P2RY1: variants seen among roughly 807,000 people sequenced by gnomAD.
P2RY1 encodes the protein P2Y purinoceptor 1.
In P2RY1, 14 loss-of-function variants were observed where a neutral mutation model predicts 22.8. That is an observed-to-expected ratio of 0.61 (90% CI 0.41 to 0.96). The LOEUF (loss-of-function observed/expected upper bound fraction) is 0.96. Ranked by LOEUF, P2RY1 falls within the 40% of genes least tolerant of loss-of-function variation. The pLI is 0.00. For synonymous variants in P2RY1, 200 were observed against 195.1 expected (o/e 1.03, Z -0.21); for missense variants, 395 against 470.3 (o/e 0.84, Z 1.48).
In P2RY1 at chr3:152,835,775, A is replaced by T; in HGVS notation, c.-8A>T. 1 of 1,583,544 alleles carries T rather than the reference A, an allele frequency of 6.3e-7. No individual in the cohort carries two copies. Among genetic ancestry groups the T allele is most frequent in the South Asian group, 1.1e-5 (1 of 88,278 alleles). On this transcript the variant is annotated 5_prime_UTR_variant, in exon 1 of 1. Coordinates refer to ENST00000305097, the MANE Select transcript of P2RY1 (RefSeq NM_002563.5). The stretch of plus-strand genomic sequence containing the variant: ...CTCGGAGCCGCCGCCTAAGTCGAGG[A>T]GGAGAGAATGACCGAGGTGCTGTGG...
chr3:152,836,963 C>A lies in P2RY1; in HGVS notation c.*59C>A. 1 of 1,333,500 alleles carries A rather than the reference C, an allele frequency of 7.5e-7. No individual in the cohort carries two copies. The highest frequency in any genetic ancestry group is 1.0e-6 in the Non-Finnish European group (1 of 967,684). The allele number at this position is 1,333,500 out of a possible 1,614,324, so 82.6% of individuals were successfully genotyped here. A position where few individuals can be genotyped will look rare whatever the true frequency, so the allele number is the denominator to read the frequency against. Reference sequence around the variant, plus strand: ...AATATGGTAGGATGCTTAACAGAATCAAGTACTTTTCCCCTCTTTAACTTT... The same window carrying A: ...AATATGGTAGGATGCTTAACAGAATAAAGTACTTTTCCCCTCTTTAACTTT... On this transcript the variant is annotated 3_prime_UTR_variant, in exon 1 of 1. Coordinates refer to ENST00000305097, the MANE Select transcript of P2RY1 (RefSeq NM_002563.5). The surrounding 1 kb of genome is among the most constrained non-coding windows in gnomAD (Gnocchi z 5.6).
rs780823895 is a variant in P2RY1 at position 152,835,940 on chromosome 3, A to G, written c.158A>G (p.Tyr53Cys). 1 of 1,614,162 alleles carries G rather than the reference A, an allele frequency of 6.2e-7. No individual in the cohort carries two copies. The highest frequency in any genetic ancestry group is 2.2e-5 in the East Asian group (1 of 44,866). ...ACCAAGACGGGCTTCCAGTTTTACT[A>G]CCTGCCGGCTGTCTACATCTTGGTA... is the stretch of plus-strand genomic sequence containing the variant. ...ALTKTGFQFYYLPAVYILVFI... is the reference protein window; with the variant it reads ...ALTKTGFQFYCLPAVYILVFI... The change falls in exon 1 of 1, where the codon TAC becomes TGC. Residue 53 changes from tyrosine (Y) to cysteine (C), a missense_variant. By Grantham distance (194) the Tyr-to-Cys change is radical. This residue lies in a region of P2RY1 where 98 missense variants were observed against 87.7 expected (regional missense o/e 1.12). Transcript: ENST00000305097.
rs754201819 is a variant in P2RY1, at chr3:152,835,363, G to A, written c.-420G>A. 2.0e-4 allele frequency: 36 copies of A among 183,120 alleles called. No homozygotes were observed. Among genetic ancestry groups the A allele is most frequent in the Non-Finnish European group, 3.8e-4 (34 of 90,024 alleles). 11.3% of individuals were successfully genotyped at this position (183,120 alleles called of 1,614,324 possible). ...AGTTGATCTTTGAGCCAAGGAGGCT[G>A]GGGAGCAGCCTCCCCAAGCTAGAGC... On this transcript the variant is annotated 5_prime_UTR_variant, in exon 1 of 1. Transcript: ENST00000305097.
In P2RY1 at chr3:152,836,664, A is replaced by G; in HGVS notation, c.882A>G (p.Ala294=). 6.2e-7 allele frequency: 1 copy of G among 1,614,166 alleles called. No homozygotes were observed. The highest frequency in any genetic ancestry group is 8.5e-7 in the Non-Finnish European group (1 of 1,180,034). ...LRARLDFQTP[A]MCAFNDRVYA... ...CCCGGCTTGATTTTCAGACCCCAGC[A>G]ATGTGTGCTTTCAATGACAGGGTTT... Residue 294 remains alanine (A), a synonymous_variant, in exon 1 of 1, where the codon GCA becomes GCG. Transcript: ENST00000305097. This position sits in a 1 kb window ranked among gnomAD's most constrained non-coding sequence, Gnocchi z 5.6.
At position 152,835,999 on chromosome 3, in the gene P2RY1, A is replaced by G; in HGVS notation, c.217A>G (p.Ile73Val). 5 of 1,614,228 alleles carry G rather than the reference A, an allele frequency of 3.1e-6. No individual in the cohort carries two copies. The highest frequency in any genetic ancestry group is 4.2e-6 in the Non-Finnish European group (5 of 1,180,034). Residue 73 changes from isoleucine (I) to valine (V), a missense_variant, in exon 1 of 1, where the codon ATC becomes GTC. Transcript: ENST00000305097. ...IIGFLGNSVA[I>V]WMFVFHMKPW... is the part of the protein sequence containing the mutation. ...CGGCTTCCTGGGCAACAGCGTGGCC[A>G]TCTGGATGTTCGTCTTCCACATGAA...
In P2RY1 at chr3:152,836,286, G is replaced by A; in HGVS notation, c.504G>A (p.Ala168=). The change falls in exon 1 of 1, where the codon GCG becomes GCA. Residue 168 remains alanine (A), a synonymous_variant. Coordinates refer to ENST00000305097, the MANE Select transcript of P2RY1 (RefSeq NM_002563.5). The surrounding 1 kb of genome is among the most constrained non-coding windows in gnomAD (Gnocchi z 5.6). The stretch of plus-strand genomic sequence containing the variant: ...TGGGCCGGCTCAAAAAGAAGAATGC[G>A]ATCTGTATCAGCGTGCTGGTGTGGC... ...KSLGRLKKKN[A]ICISVLVWLI... is the part of the protein sequence containing the mutation. 1.9e-6 allele frequency: 3 copies of A among 1,614,122 alleles called. No individual in the cohort carries two copies. Among genetic ancestry groups the A allele is most frequent in the East Asian group, 4.5e-5 (2 of 44,874 alleles).
At position 152,840,631 on chromosome 3, in the gene P2RY1, T is replaced by G. The variant is rs962264556; in HGVS notation, c.*3727T>G. 4 of 152,168 alleles carry G rather than the reference T, an allele frequency of 2.6e-5. No homozygotes were observed. The highest frequency in any genetic ancestry group is 9.7e-5 in the African/African-American group (4 of 41,438). The allele number at this position is 152,168 out of a possible 1,614,324, so 9.4% of individuals were successfully genotyped here. On this transcript the variant is annotated 3_prime_UTR_variant, in exon 1 of 1. Coordinates refer to ENST00000305097, the MANE Select transcript of P2RY1 (RefSeq NM_002563.5). ...AACGTTACAATGTAAGGAAAATCTT[T>G]AAGGAGATGGGGAGAGAAAAAGGCA...
chr3:152,840,854 T>C lies in P2RY1; in HGVS notation c.*3950T>C, dbSNP rs1388564908. ...ACTTAAATTCCAAGTTTCATAGTGA[T>C]AATTGTATATTATTTGGCTGCTGAA... On this transcript the variant is annotated 3_prime_UTR_variant, in exon 1 of 1. Coordinates refer to ENST00000305097, the MANE Select transcript of P2RY1 (RefSeq NM_002563.5). 6.6e-6 allele frequency: 1 copy of C among 152,216 alleles called. No individual in the cohort carries two copies. Among genetic ancestry groups the C allele is most frequent in the Non-Finnish European group, 1.5e-5 (1 of 68,026 alleles). 9.4% of individuals were successfully genotyped at this position (152,216 alleles called of 1,614,324 possible).
At position 152,835,561 on chromosome 3, in the gene P2RY1, A is replaced by G; in HGVS notation, c.-222A>G. On this transcript the variant is annotated 5_prime_UTR_variant, in exon 1 of 1. It adds an upstream start codon to the 5' untranslated region. Coordinates refer to ENST00000305097, the MANE Select transcript of P2RY1 (RefSeq NM_002563.5). Reference sequence around the variant, plus strand: ...CGGAGAAGTTGCTGGCTTGCCCGATAGCCCAGTTCGGTGGCGGCCCGGGGC... The same window carrying G: ...CGGAGAAGTTGCTGGCTTGCCCGATGGCCCAGTTCGGTGGCGGCCCGGGGC... 1.9e-6 allele frequency: 1 copy of G among 532,514 alleles called. No homozygotes were observed. The highest frequency in any genetic ancestry group is 2.0e-5 in the African/African-American group (1 of 49,436). 33.0% of individuals were successfully genotyped at this position (532,514 alleles called of 1,614,324 possible).
rs775959369 is a variant in P2RY1, at chr3:152,836,509, G to A, written c.727G>A (p.Ala243Thr). ...GGGCTGTTACGGATTAATTGTGAGA[G>A]CTTTGATTTACAAAGATCTGGACAA... ...ILGCYGLIVR[A>T]LIYKDLDNSP... Residue 243 changes from alanine to threonine, a missense_variant, in exon 1 of 1, where the codon GCT (alanine) becomes ACT (threonine). Physicochemically the swap from Ala to Thr is moderately conservative, Grantham distance 58 (BLOSUM62 0). This residue lies in a region of P2RY1 where 291 missense variants were observed against 361.6 expected (regional missense o/e 0.80). Transcript: ENST00000305097. The surrounding 1 kb of genome is among the most constrained non-coding windows in gnomAD (Gnocchi z 5.6). The A allele has an allele frequency of 6.8e-6, 11 of 1,614,194 alleles. 1 individual carries two copies. The South Asian group carries it at 1.2e-4, about 18-fold the overall frequency.
rs752295011 is a variant in P2RY1 at position 152,836,169 on chromosome 3, C to T, written c.387C>T (p.Phe129=). The change falls in exon 1 of 1, where the codon TTC becomes TTT. Residue 129 remains phenylalanine (F), a synonymous_variant. Transcript: ENST00000305097. This position sits in a 1 kb window ranked among gnomAD's most constrained non-coding sequence, Gnocchi z 5.6. ...FGDAMCKLQR[F]IFHVNLYGSI... ...ATGCCATGTGTAAACTGCAGAGGTT[C>T]ATCTTTCATGTGAACCTCTATGGCA... is the stretch of plus-strand genomic sequence containing the variant. 2.5e-6 allele frequency: 4 copies of T among 1,614,068 alleles called. No individual in the cohort carries two copies. Among genetic ancestry groups the T allele is most frequent in the Non-Finnish European group, 3.4e-6 (4 of 1,180,040 alleles).
chr3:152,836,476 C>G lies in P2RY1; in HGVS notation c.694C>G (p.Leu232Val), dbSNP rs1559896788. Residue 232 changes from leucine (L) to valine (V), a missense_variant, in exon 1 of 1, where the codon CTG (leucine) becomes GTG (valine). Coordinates refer to ENST00000305097, the MANE Select transcript of P2RY1 (RefSeq NM_002563.5). The surrounding 1 kb of genome is among the most constrained non-coding windows in gnomAD (Gnocchi z 5.6). ...TVAMFCVPLV[L>V]ILGCYGLIVR... Reference sequence around the variant, plus strand: ...GGCCATGTTCTGTGTCCCCTTGGTGCTGATTCTGGGCTGTTACGGATTAAT... The same window carrying G: ...GGCCATGTTCTGTGTCCCCTTGGTGGTGATTCTGGGCTGTTACGGATTAAT... The G allele has an allele frequency of 6.2e-7, 1 of 1,614,162 alleles. No individual in the cohort carries two copies. The highest frequency in any genetic ancestry group is 8.5e-7 in the Non-Finnish European group (1 of 1,180,038).
rs768238255 is a variant in P2RY1, at chr3:152,835,772, A to T, written c.-11A>T. On this transcript the variant is annotated 5_prime_UTR_variant, in exon 1 of 1. Transcript: ENST00000305097. ...CCCCTCGGAGCCGCCGCCTAAGTCG[A>T]GGAGGAGAGAATGACCGAGGTGCTG... 2 of 1,580,472 alleles carry T rather than the reference A, an allele frequency of 1.3e-6. No individual in the cohort carries two copies. Among genetic ancestry groups the T allele is most frequent in the South Asian group, 2.3e-5 (2 of 87,750 alleles).
chr3:152,840,095 T>C lies in P2RY1; in HGVS notation c.*3191T>C, dbSNP rs1716262158. 1 of 152,208 alleles carries C rather than the reference T, an allele frequency of 6.6e-6. No homozygotes were observed. Among genetic ancestry groups the C allele is most frequent in the African/African-American group, 2.4e-5 (1 of 41,450 alleles). The allele number at this position is 152,208 out of a possible 1,614,324, so 9.4% of individuals were successfully genotyped here. A position where few individuals can be genotyped will look rare whatever the true frequency, so the allele number is the denominator to read the frequency against. On this transcript the variant is annotated 3_prime_UTR_variant, in exon 1 of 1. Coordinates refer to ENST00000305097, the MANE Select transcript of P2RY1 (RefSeq NM_002563.5). ...TTCAGTTGTACAGACTGAAAAACTT[T>C]CATGAAAGATCCAACATACTAATGT...
rs1716238529 is a variant in P2RY1, at chr3:152,839,064, TC to T, written c.*2161del. ...TTCTTTCTTTTAGGTCTCAGGATGC[TC>T]AGCTTAATTTAGAGTATGTGTTAAG... On this transcript the variant is annotated 3_prime_UTR_variant, in exon 1 of 1. Transcript: ENST00000305097. The T allele has an allele frequency of 6.6e-6, 1 of 152,224 alleles. No individual in the cohort carries two copies. The highest frequency in any genetic ancestry group is 2.4e-5 in the African/African-American group (1 of 41,470). The allele number at this position is 152,224 out of a possible 1,614,324, so 9.4% of individuals were successfully genotyped here.
chr3:152,839,791 T>C lies in P2RY1; in HGVS notation c.*2887T>C, dbSNP rs1716256839. 1 of 152,198 alleles carries C rather than the reference T, an allele frequency of 6.6e-6. No individual in the cohort carries two copies. The highest frequency in any genetic ancestry group is 1.5e-5 in the Non-Finnish European group (1 of 68,032). 9.4% of individuals were successfully genotyped at this position (152,198 alleles called of 1,614,324 possible). Reference sequence around the variant, plus strand: ...ACAGCCAGGAGCCTGTGAAATCTGCTACTGTATTTTCCAGGACTTCATTCC... The same window carrying C: ...ACAGCCAGGAGCCTGTGAAATCTGCCACTGTATTTTCCAGGACTTCATTCC... On this transcript the variant is annotated 3_prime_UTR_variant, in exon 1 of 1. Transcript: ENST00000305097.
rs1041859795 is a variant in P2RY1, at chr3:152,838,714, T to C, written c.*1810T>C. The C allele has an allele frequency of 4.6e-5, 7 of 152,182 alleles. No homozygotes were observed. The highest frequency in any genetic ancestry group is 3.9e-4 in the Admixed American group (6 of 15,272). The allele number at this position is 152,182 out of a possible 1,614,324, so 9.4% of individuals were successfully genotyped here. A position where few individuals can be genotyped will look rare whatever the true frequency, so the allele number is the denominator to read the frequency against. On this transcript the variant is annotated 3_prime_UTR_variant, in exon 1 of 1. Transcript: ENST00000305097. Reference sequence around the variant, plus strand: ...CACTAAGATCAATGAAGAAAAGCTGTATTTAACCTTCCAAAGCAGTGATTC... The same window carrying C: ...CACTAAGATCAATGAAGAAAAGCTGCATTTAACCTTCCAAAGCAGTGATTC...
chr3:152,835,968 C>A lies in P2RY1; in HGVS notation c.186C>A (p.Phe62Leu). Residue 62 changes from phenylalanine to leucine, a missense_variant, in exon 1 of 1, where the codon TTC becomes TTA. By Grantham distance (22) the Phe-to-Leu change is conservative. Coordinates refer to ENST00000305097, the MANE Select transcript of P2RY1 (RefSeq NM_002563.5). ...YYLPAVYILV[F>L]IIGFLGNSVA... The stretch of plus-strand genomic sequence containing the variant: ...TGCCGGCTGTCTACATCTTGGTATT[C>A]ATCATCGGCTTCCTGGGCAACAGCG... The A allele has an allele frequency of 6.2e-7, 1 of 1,614,218 alleles. No individual in the cohort carries two copies. Among genetic ancestry groups the A allele is most frequent in the African/African-American group, 1.3e-5 (1 of 75,056 alleles).
rs78522095 is a variant in P2RY1, at chr3:152,836,470, T to C, written c.688T>C (p.Leu230=). 1.2e-3 allele frequency: 1,960 copies of C among 1,614,182 alleles called. 27 individuals are homozygous for C. In the African/African-American group the frequency reaches 0.02, roughly 17 times the overall value. Reference sequence around the variant, plus strand: ...GACCGTGGCCATGTTCTGTGTCCCCTTGGTGCTGATTCTGGGCTGTTACGG... The same window carrying C: ...GACCGTGGCCATGTTCTGTGTCCCCCTGGTGCTGATTCTGGGCTGTTACGG... ...CTTVAMFCVP[L]VLILGCYGLI... The change falls in exon 1 of 1, where the codon TTG becomes CTG. Residue 230 remains leucine (L), a synonymous_variant. Transcript: ENST00000305097. The surrounding 1 kb of genome is among the most constrained non-coding windows in gnomAD (Gnocchi z 5.6).
Sources: gnomAD v4.1 joint callset for allele counts on GRCh38, gnomAD v4.1.1 for gene constraint, gnomAD v4.1.1 regional missense constraint, Gnocchi (gnomAD v3.1) non-coding constraint, MANE v1.5 for transcripts, NCBI Gene and HGNC (gene_info 2026-07-23, HGNC 2026-07-21) for gene names.